The following UNC13C variants were observed in gnomAD, a reference collection of about 807,000 sequenced individuals.
UNC13C encodes the protein unc-13 homolog C.
Under a neutral mutation model 245.4 loss-of-function variants are expected in UNC13C, and 174 were observed. The observed-to-expected ratio is 0.71, with a 90% CI of 0.63 to 0.80. The LOEUF is 0.80. Among genes scored for constraint, UNC13C ranks in the 30% least tolerant of loss-of-function variants. UNC13C has a pLI of 0.00. For missense variants in UNC13C, 2,829 were observed against 2,602.9 expected (o/e 1.09, Z -1.89); for synonymous variants, 992 against 895.1 (o/e 1.11, Z -1.93).
intron 2 of UNC13C, among the ~76,000 whole-genome samples, chr15:54,097,927 T>C (rs966050815): frequency 6.6e-6 from 1 of 152,220 alleles, no homozygotes; most frequent in African/African-American, 2.4e-5. Context: ...AGCCTTCCTC[T>C]TGAAGAGACA....
intron 17 of UNC13C, among the ~76,000 whole-genome samples, chr15:54,373,171 A>G (rs1046521416): frequency 1.3e-5 from 2 of 152,200 alleles, no homozygotes; most frequent in African/African-American, 4.8e-5. Context: ...TCAGCTCTTC[A>G]CTGGAAATTA....
chr15:53,905,198 C>T, the UNC13C span, among the ~76,000 whole-genome samples: 1 of 152,042 alleles, frequency 6.6e-6, no homozygotes, highest in South Asian at 2.1e-4. Flanking sequence ...AGCAATCCCA[C>T]TACAGGTATA....
intron 19 of UNC13C, among the ~76,000 whole-genome samples, chr15:54,459,900 T>C (rs143962992): frequency 1.2e-4 from 19 of 152,326 alleles, no homozygotes; most frequent in African/African-American, 4.6e-4. Context: ...ATCTGGTAAT[T>C]CAGAGATTTC....
At chr15:54,273,488 G>A (rs188222817) in intron 10 of UNC13C, among the ~76,000 whole-genome samples, 1 of 152,190 alleles carries the variant, frequency 6.6e-6, no homozygotes, top group African/African-American at 2.4e-5. Flanking sequence ...CCCAACTCTA[G>A]CACTCAGTTT....
intron 19 of UNC13C, among the ~76,000 whole-genome samples, chr15:54,457,947 TTG>T (rs1481300854): frequency 6.6e-6 from 1 of 151,308 alleles, no homozygotes; most frequent in Admixed American, 6.6e-5. Flanking sequence ...TAGTTCGTTC[TTG>T]TTTCTCCAGT....
At chr15:54,593,968 G>A (rs1297883096) in intron 30 of UNC13C, among the ~76,000 whole-genome samples, 3 of 152,172 alleles carry the variant, frequency 2.0e-5, no homozygotes, top group Non-Finnish European at 2.9e-5. Context: ...TCTATCAGAG[G>A]GAAGGTCTAG....
At chr15:54,005,344 T>G (rs1028265837) in intron 1 of UNC13C, among the ~76,000 whole-genome samples, 3 of 152,192 alleles carry the variant, frequency 2.0e-5, no homozygotes, top group Non-Finnish European at 4.4e-5. Flanking sequence ...TAGTATAGAA[T>G]AGTGTTTATG....
chr15:53,929,713 A>G, the UNC13C span, among the ~76,000 whole-genome samples: 1 of 152,198 alleles, frequency 6.6e-6, no homozygotes, highest in Non-Finnish European at 1.5e-5. Flanking sequence ...CACTTTAGAG[A>G]CAAACTGTTT....
chr15:54,203,342 A>G lies in UNC13C; in HGVS notation c.3072-31688A>G, dbSNP rs183306116. Among the ~76,000 whole-genome samples the G allele has an allele frequency of 5.7e-4, 87 of 151,752 alleles. 2 individuals are homozygous for G. The highest frequency in any genetic ancestry group is 4.0e-3 in the Admixed American group (60 of 15,172). On this transcript the variant is annotated intron_variant, in intron 4 of 32. Coordinates refer to ENST00000260323, the MANE Select transcript of UNC13C (RefSeq NM_001080534.3). ...CACTACTAAGTGTCTATTCAGAAGA[A>G]AAGAAGTCACTATACCAAAAAGATA...
At chr15:53,959,205 G>A in the UNC13C span, among the ~76,000 whole-genome samples, 1 of 151,838 alleles carries the variant, frequency 6.6e-6, no homozygotes, top group African/African-American at 2.4e-5. Flanking sequence ...TGGGCACTTA[G>A]GTTGATTCCA....
chr15:54,216,837 T>C (rs1259723591), intron 4 of UNC13C, among the ~76,000 whole-genome samples: 2 of 151,996 alleles, frequency 1.3e-5, no homozygotes, highest in African/African-American at 2.4e-5. Context: ...GCAACCATGA[T>C]CTCTGAACTT....
At chr15:53,989,668 C>A (rs1894296466) in intron 1 of UNC13C, among the ~76,000 whole-genome samples, 1 of 151,942 alleles carries the variant, frequency 6.6e-6, no homozygotes, top group African/African-American at 2.4e-5. Context: ...AGGGAACGAG[C>A]TTTTTGTTTT....
chr15:54,495,160 T>C (rs579664), intron 20 of UNC13C, among the ~76,000 whole-genome samples: 20,783 of 151,992 alleles, frequency 0.14, 1,461 homozygotes, highest in Non-Finnish European at 0.16. Flanking sequence ...ACAGGGAACT[T>C]TCTCATAAAT....
At chr15:54,512,221 A>G (rs1024609988) in intron 24 of UNC13C, 2 of 413,226 alleles carry the variant, frequency 4.8e-6, no homozygotes, top group African/African-American at 2.1e-5. Flanking sequence ...TTGTGGTGCT[A>G]TTGGTTTTTG....
At chr15:54,347,229 C>T (rs73415765) in intron 17 of UNC13C, among the ~76,000 whole-genome samples, 1,919 of 152,148 alleles carry the variant, frequency 0.013, 49 homozygotes, top group East Asian at 0.084. Flanking sequence ...AACTCAGTTC[C>T]GTGGAAACCA....
chr15:54,339,772 G>C (rs1270604032), intron 17 of UNC13C, among the ~76,000 whole-genome samples: 1 of 151,920 alleles, frequency 6.6e-6, no homozygotes, highest in African/African-American at 2.4e-5. Flanking sequence ...TATCTTTTTT[G>C]TGCATGGACT....
intron 2 of UNC13C, among the ~76,000 whole-genome samples, chr15:54,075,244 G>A (rs1283281262): frequency 6.6e-6 from 1 of 152,104 alleles, no homozygotes; most frequent in Non-Finnish European, 1.5e-5. Flanking sequence ...CCAGCACTTT[G>A]AGAGGCCGAG....
chr15:54,527,169 G>T (rs1456281276), intron 25 of UNC13C, among the ~76,000 whole-genome samples: 1 of 152,160 alleles, frequency 6.6e-6, no homozygotes, highest in African/African-American at 2.4e-5. Flanking sequence ...CAATTTCAAG[G>T]TTCTGTTTAC....
intron 14 of UNC13C, among the ~76,000 whole-genome samples, chr15:54,323,131 T>C (rs1328645980): frequency 6.6e-6 from 1 of 151,964 alleles, no homozygotes; most frequent in African/African-American, 2.4e-5. Flanking sequence ...ACAGAGTATA[T>C]TGTTTAGAAA....
Sources: gnomAD v4.1 joint callset for allele counts (sites outside exome capture counted in the v4.1 genomes callset) on GRCh38, gnomAD v4.1.1 for gene constraint, MANE v1.5 for transcripts, NCBI Gene and HGNC (gene_info 2026-07-23, HGNC 2026-07-21) for gene names.